The following JMJD1C variants were observed in gnomAD, a reference collection of about 807,000 sequenced individuals.
JMJD1C encodes jumonji domain-containing protein 1C.
A neutral mutation model predicts 245.3 loss-of-function variants in JMJD1C; 31 were observed. The observed-to-expected ratio is 0.13, with a 90% confidence interval of 0.09 to 0.17. JMJD1C has a LOEUF of 0.17. Among genes scored for constraint, JMJD1C ranks in the 10% least tolerant of loss-of-function variants. The pLI is 1.00. For missense variants in JMJD1C, 2,691 were observed against 3,000.2 expected (o/e 0.90, Z 2.41); for synonymous variants, 1,057 against 1,017.4 (o/e 1.04, Z -0.74).
At position 63,431,924 on chromosome 10, in the gene JMJD1C, A is replaced by T. The variant is rs10995535; in HGVS notation, c.168+33571T>A. Among the ~76,000 whole-genome samples, 23 of 152,336 alleles carry T rather than the reference A, an allele frequency of 1.5e-4. No homozygotes were observed. In the East Asian group the frequency reaches 4.0e-3, roughly 27 times the overall value. Reference sequence around the variant, plus strand: ...CTAATCGGGAGGCTGAGGCAGGACAATCGCTTGAACCCAGGGGACAGGGGT... The same window carrying T: ...CTAATCGGGAGGCTGAGGCAGGACATTCGCTTGAACCCAGGGGACAGGGGT... On this transcript the variant is annotated intron_variant, in intron 1 of 25. Coordinates refer to ENST00000399262, the MANE Select transcript of JMJD1C (RefSeq NM_032776.3).
chr10:63,184,234 C>A (rs1055528607), intron 21 of JMJD1C, among the ~76,000 whole-genome samples: 2 of 140,088 alleles, frequency 1.4e-5, no homozygotes, highest in African/African-American at 5.3e-5. Context: ...CATCCTTGAA[C>A]AGAAATTTTT....
At chr10:63,324,320 C>T (rs1941272543) in intron 2 of JMJD1C, among the ~76,000 whole-genome samples, 2 of 151,924 alleles carry the variant, frequency 1.3e-5, no homozygotes, top group African/African-American at 4.8e-5. Context: ...CCTACTGTCA[C>T]AAAAGTAAGT....
intron 24 of JMJD1C, among the ~76,000 whole-genome samples, chr10:63,173,612 C>T (rs533856468): frequency 6.6e-6 from 1 of 152,044 alleles, no homozygotes; most frequent in Non-Finnish European, 1.5e-5. Flanking sequence ...GTACTAGCTA[C>T]TCAGGAGGGT....
intron 2 of JMJD1C, among the ~76,000 whole-genome samples, chr10:63,283,899 TAAG>T (rs2133901052): frequency 6.6e-6 from 1 of 152,188 alleles, no homozygotes; most frequent in South Asian, 2.1e-4. Flanking sequence ...ACTCTGACAA[TAAG>T]AAAAGCAAAA....
chr10:63,239,946 C>G (rs1385097952), intron 3 of JMJD1C, among the ~76,000 whole-genome samples: 2 of 152,180 alleles, frequency 1.3e-5, no homozygotes, highest in African/African-American at 4.8e-5. Flanking sequence ...CTCCCCTCCC[C>G]AATCCTTATT....
chr10:63,168,376 TATC>T, intron 25 of JMJD1C, 56 bp downstream of exon 25: 11 of 1,521,784 alleles, frequency 7.2e-6, no homozygotes, highest in Non-Finnish European at 9.7e-6. Context: ...GTTATACATG[TATC>T]ATATTTCTGA....
chr10:63,500,734 T>A (rs865795506), intron 1 of JMJD1C, among the ~76,000 whole-genome samples: 5 of 131,388 alleles, frequency 3.8e-5, no homozygotes, highest in Non-Finnish European at 8.2e-5. Flanking sequence ...GATGGATGGA[T>A]GGATGGATGG....
intron 24 of JMJD1C, among the ~76,000 whole-genome samples, chr10:63,170,456 G>A (rs902999794): frequency 6.6e-5 from 10 of 152,166 alleles, no homozygotes; most frequent in African/African-American, 2.4e-4. Flanking sequence ...TTTCCAAACT[G>A]TTTTTGCAAA....
At chr10:63,480,274 C>G (rs1438986633) in intron 1 of JMJD1C, among the ~76,000 whole-genome samples, 1 of 151,746 alleles carries the variant, frequency 6.6e-6, no homozygotes, top group East Asian at 1.9e-4. Flanking sequence ...TAAATACATT[C>G]GATGGGAGCA....
intron 3 of JMJD1C, chr10:63,222,356 C>G: frequency 8.0e-7 from 1 of 1,248,546 alleles, no homozygotes; most frequent in Non-Finnish European, 1.2e-6. Context: ...ACAAACAAAT[C>G]ATATGTTTTT....
chr10:63,241,980 A>T (rs750042309), intron 3 of JMJD1C, among the ~76,000 whole-genome samples: 64 of 152,208 alleles, frequency 4.2e-4, no homozygotes, highest in Non-Finnish European at 6.8e-4. Context: ...TGAGAACAGG[A>T]AGCTAACGGG....
intron 3 of JMJD1C, among the ~76,000 whole-genome samples, chr10:63,250,911 T>C (rs1288452244): frequency 6.6e-6 from 1 of 152,022 alleles, no homozygotes; most frequent in Non-Finnish European, 1.5e-5. Flanking sequence ...TGGCTAAATT[T>C]TTATTTTTAT....
intron 3 of JMJD1C, among the ~76,000 whole-genome samples, chr10:63,242,595 A>G (rs1420647533): frequency 6.6e-6 from 1 of 152,170 alleles, no homozygotes; most frequent in African/African-American, 2.4e-5. Context: ...GCATGGTGGC[A>G]CATGCCTGCA....
At chr10:63,470,155 A>G (rs535346755), upstream of JMJD1C, among the ~76,000 whole-genome samples, 5 of 152,238 alleles carry the variant, frequency 3.3e-5, no homozygotes, top group South Asian at 4.1e-4. Flanking sequence ...TTGATCATTT[A>G]TATTTTTTCC....
At chr10:63,228,984 G>C (rs1222328614) in intron 3 of JMJD1C, among the ~76,000 whole-genome samples, 1 of 152,008 alleles carries the variant, frequency 6.6e-6, no homozygotes, top group Non-Finnish European at 1.5e-5. Context: ...ATTACATTCA[G>C]AGATTGGAAT....
intron 1 of JMJD1C, among the ~76,000 whole-genome samples, chr10:63,461,254 C>A (rs1952777563): frequency 6.6e-6 from 1 of 152,140 alleles, no homozygotes; most frequent in Non-Finnish European, 1.5e-5. Context: ...ACCAAAAAAA[C>A]CAATTTTGCT....
chr10:63,494,417 T>C (rs1195873382), intron 1 of JMJD1C, among the ~76,000 whole-genome samples: 4 of 152,164 alleles, frequency 2.6e-5, no homozygotes, highest in African/African-American at 9.6e-5. Flanking sequence ...ATCATTTAAG[T>C]TAAAAATGTC....
rs202192474 is a variant in JMJD1C at position 63,219,953 on chromosome 10, T to C, written c.478A>G (p.Arg160Gly). ...TCCTCATGAAGCTGCGGGTTGTCCC[T>C]GAGAACTGGGTTTAGGCTGTCTATG... Reference protein sequence around the residue: ...DDIDSLNPVLRDNPQLHEEVK... With the variant: ...DDIDSLNPVLGDNPQLHEEVK... The change falls in exon 4 of 26, where the codon AGG (arginine) becomes GGG (glycine). Residue 160 changes from arginine to glycine, a missense_variant. Physicochemically the swap from Arg to Gly is moderately radical, Grantham distance 125. Coordinates refer to ENST00000399262, the MANE Select transcript of JMJD1C (RefSeq NM_032776.3). The C allele has an allele frequency of 2.1e-4, 337 of 1,613,378 alleles. No homozygotes were observed. The highest frequency in any genetic ancestry group is 2.7e-4 in the Non-Finnish European group (319 of 1,179,466).
intron 2 of JMJD1C, among the ~76,000 whole-genome samples, chr10:63,301,072 G>A (rs1278324049): frequency 6.6e-6 from 1 of 152,222 alleles, no homozygotes; most frequent in Non-Finnish European, 1.5e-5. Flanking sequence ...CTACAGTGCA[G>A]TGGCATGACC....
Sources: gnomAD v4.1 joint callset for allele counts (sites outside exome capture counted in the v4.1 genomes callset) on GRCh38, gnomAD v4.1.1 for gene constraint, MANE v1.5 for transcripts, NCBI Gene and HGNC (gene_info 2026-07-23, HGNC 2026-07-21) for gene names.